Variants in TXNL4A observed in about 807,000 individuals in gnomAD.
TXNL4A encodes thioredoxin-like protein 4A.
TXNL4A carries 17 observed loss-of-function variants against 14.6 expected under a neutral mutation model. The ratio of observed to expected loss-of-function variants is 1.16; its 90% CI spans 0.80 to 1.74. The LOEUF is 1.74. Among genes scored for constraint, TXNL4A ranks in the 40% most tolerant of loss-of-function variants. The pLI is 0.00. For synonymous variants in TXNL4A, 83 were observed against 70.6 expected (o/e 1.18, Z -0.88); for missense variants, 74 against 195.2 (o/e 0.38, Z 3.70).
intron 1 of TXNL4A, among the ~76,000 whole-genome samples, chr18:79,981,688 C>CAAT (rs1461789704): frequency 2.0e-5 from 3 of 152,152 alleles, no homozygotes; most frequent in Non-Finnish European, 4.4e-5. Flanking sequence ...ACAACAACAA[C>CAAT]AATAATCAGA....
At chr18:79,985,761 T>C (rs1479500768) in intron 1 of TXNL4A, 6 of 152,100 alleles carry the variant, frequency 3.9e-5, no homozygotes, top group Admixed American at 3.9e-4. Flanking sequence ...AAAAATCATA[T>C]CAAGTCCAGC....
intron 1 of TXNL4A, among the ~76,000 whole-genome samples, chr18:80,033,531 C>T (rs1401525801): frequency 6.6e-6 from 1 of 152,264 alleles, no homozygotes; most frequent in African/African-American, 2.4e-5. Context: ...GGCGCAGCAG[C>T]AAAGCCCTGG....
chr18:79,975,781 G>A (rs919810541), intron 2 of TXNL4A, among the ~76,000 whole-genome samples: 2 of 152,086 alleles, frequency 1.3e-5, no homozygotes, highest in South Asian at 4.1e-4. Context: ...GAGCTCAAAA[G>A]CAACACACTC....
chr18:80,012,053 C>A (rs12607144), intron 1 of TXNL4A, among the ~76,000 whole-genome samples: 1 of 151,990 alleles, frequency 6.6e-6, no homozygotes, highest in Non-Finnish European at 1.5e-5. Context: ...GCTCTGGACG[C>A]GCCTTTTAAA....
At chr18:79,991,125 A>C (rs955339348), upstream of TXNL4A, among the ~76,000 whole-genome samples, 4 of 151,858 alleles carry the variant, frequency 2.6e-5, no homozygotes, top group East Asian at 3.9e-4. Flanking sequence ...AAAAAAAAAA[A>C]AAACTTTTGT....
chr18:80,021,538 A>G (rs989683620), intron 1 of TXNL4A, among the ~76,000 whole-genome samples: 5 of 152,150 alleles, frequency 3.3e-5, no homozygotes, highest in African/African-American at 4.8e-5. Context: ...GGTATGCAGA[A>G]AAAGGCACTT....
At chr18:80,016,346 C>T (rs368337938) in intron 1 of TXNL4A, among the ~76,000 whole-genome samples, 77 of 152,034 alleles carry the variant, frequency 5.1e-4, no homozygotes, top group East Asian at 4.6e-3. Context: ...TCTTTTGCTG[C>T]GCAGAAGCTC....
chr18:79,984,240 T>C (rs1198528260), intron 1 of TXNL4A, among the ~76,000 whole-genome samples: 1 of 152,198 alleles, frequency 6.6e-6, no homozygotes, highest in Non-Finnish European at 1.5e-5. Flanking sequence ...ATACACCCCT[T>C]AATATGGCTC....
At position 80,033,252 on chromosome 18, in the gene TXNL4A, C is replaced by T. The variant is rs140815633; in HGVS notation, c.-61+599G>A. 8.0e-3 allele frequency among the ~76,000 whole-genome samples: 1,219 copies of T among 152,128 alleles called. 35 individuals carry two copies. Among genetic ancestry groups the T allele is most frequent in the Admixed American group, 0.065 (999 of 15,256 alleles). On this transcript the variant is annotated intron_variant, in intron 1 of 2. Coordinates refer to the TXNL4A transcript ENST00000585474. Reference sequence around the variant, plus strand: ...ACATGTCCACACACATGCACACACACGTACATATGCACACATACACATGTA... The same window carrying T: ...ACATGTCCACACACATGCACACACATGTACATATGCACACATACACATGTA...
intron 1 of TXNL4A, among the ~76,000 whole-genome samples, chr18:80,004,285 G>A (rs951955393): frequency 6.6e-5 from 10 of 152,132 alleles, no homozygotes; most frequent in Admixed American, 6.5e-4. Context: ...GGCAGCCTGA[G>A]GCCTGACACC....
intron 1 of TXNL4A, among the ~76,000 whole-genome samples, chr18:80,016,198 T>A (rs2051808120): frequency 6.6e-6 from 1 of 151,972 alleles, no homozygotes; most frequent in Non-Finnish European, 1.5e-5. Flanking sequence ...TGCCCACTTG[T>A]TGATGGGGTT....
At chr18:79,995,225 G>C (rs943489227) in intron 1 of TXNL4A, 2 of 152,212 alleles carry the variant, frequency 1.3e-5, no homozygotes, top group Admixed American at 6.5e-5. Flanking sequence ...TCCACATACT[G>C]GTCTCAGAAG....
chr18:80,027,251 T>C (rs931577189), intron 1 of TXNL4A, among the ~76,000 whole-genome samples: 8 of 152,038 alleles, frequency 5.3e-5, no homozygotes, highest in African/African-American at 1.9e-4. Flanking sequence ...TCATAGAAGA[T>C]TACCTGAAAA....
At chr18:80,029,634 C>A (rs1224074199) in intron 1 of TXNL4A, among the ~76,000 whole-genome samples, 1 of 152,144 alleles carries the variant, frequency 6.6e-6, no homozygotes, top group Non-Finnish European at 1.5e-5. Context: ...GCCTACCATC[C>A]CCAATCCTCA....
At position 79,976,734 on chromosome 18, in the gene TXNL4A, C is replaced by A. The variant is rs561699287; in HGVS notation, c.257+864G>T. 18 of 455,400 alleles carry A rather than the reference C, an allele frequency of 4.0e-5. No homozygotes were observed. The East Asian group carries it at 1.2e-3, about 30-fold the overall frequency. The allele number at this position is 455,400 out of a possible 1,614,324, so 28.2% of individuals were successfully genotyped here. On this transcript the variant is annotated intron_variant, in intron 2 of 2. Coordinates refer to ENST00000269601, the MANE Select transcript of TXNL4A (RefSeq NM_006701.5). ...CTTCCTTACCGAGTAGGAGGCTCCA[C>A]TTTTGGAGAATGGTCTAATGCTCAT... is the stretch of plus-strand genomic sequence containing the variant.
chr18:79,979,570 C>A lies in TXNL4A; in HGVS notation c.154-1869G>T. 3 of 153,038 alleles carry A rather than the reference C, an allele frequency of 2.0e-5. No individual in the cohort carries two copies. In the South Asian group the frequency reaches 5.6e-4, roughly 28 times the overall value. 9.5% of individuals were successfully genotyped at this position (153,038 alleles called of 1,614,324 possible). A position where few individuals can be genotyped will look rare whatever the true frequency, so the allele number is the denominator to read the frequency against. Reference sequence around the variant, plus strand: ...GTGCCTGTTCCCCTTTGCCTTCTGCCATGATTGGAAGGTCCTGAGGCCTCC... The same window carrying A: ...GTGCCTGTTCCCCTTTGCCTTCTGCAATGATTGGAAGGTCCTGAGGCCTCC... On this transcript the variant is annotated intron_variant, in intron 1 of 2. Transcript: ENST00000269601.
intron 1 of TXNL4A, 98 bp from the exon 2 acceptor site, chr18:79,977,799 G>T (rs1006507666): frequency 2.8e-5 from 23 of 823,586 alleles, no homozygotes; most frequent in Non-Finnish European, 3.9e-5. Context: ...AATTTGTGTG[G>T]ATCAGGGCAA....
Position 79,973,551 on chromosome 18 carries a change from A to ACCATG in TXNL4A, c.*129_*133dup. On this transcript the variant is annotated 3_prime_UTR_variant, in exon 3 of 3. Transcript: ENST00000269601. ...TGCTTGTTTATTTCGGTGAGTTAAG[A>ACCATG]CCATGTTATCAATTCCATCTCAGAG... The ACCATG allele has an allele frequency of 1.7e-6, 2 of 1,172,700 alleles. No individual in the cohort carries two copies. The highest frequency in any genetic ancestry group is 2.3e-6 in the Non-Finnish European group (2 of 852,284). 72.6% of individuals were successfully genotyped at this position (1,172,700 alleles called of 1,614,324 possible). A position where few individuals can be genotyped will look rare whatever the true frequency, so the allele number is the denominator to read the frequency against.
At chr18:80,002,965 G>A (rs1468879437) in intron 1 of TXNL4A, among the ~76,000 whole-genome samples, 2 of 152,234 alleles carry the variant, frequency 1.3e-5, no homozygotes, top group Non-Finnish European at 2.9e-5. Flanking sequence ...ATGGCAGGGA[G>A]GGAGGCCAGG....
Sources: allele counts gnomAD v4.1 joint callset (sites outside exome capture counted in the v4.1 genomes callset), GRCh38; gene constraint gnomAD v4.1.1; transcripts MANE v1.5; gene names NCBI Gene and HGNC (gene_info 2026-07-23, HGNC 2026-07-21).